ABI3BP: variants seen among roughly 807,000 people sequenced by gnomAD.
The protein encoded by ABI3BP is ABI family member 3 binding protein, also known as target of Nesh-SH3.
ABI3BP carries 216 observed loss-of-function variants against 268.6 expected under a neutral mutation model. The observed-to-expected ratio is 0.80, with a 90% CI of 0.72 to 0.90. The LOEUF (loss-of-function observed/expected upper bound fraction) is 0.90. Among genes scored for constraint, ABI3BP ranks in the 40% least tolerant of loss-of-function variants. The probability of loss-of-function intolerance (pLI) is 0.00; values close to 1 mark genes in which losing one functional copy is unlikely to be tolerated. For missense variants in ABI3BP, 2,090 were observed against 2,182.4 expected, an observed-to-expected ratio of 0.96 and a Z score of 0.84; for synonymous variants, 730 against 730.0, an observed-to-expected ratio of 1.00 and a Z score of 0.00.
intron 58 of ABI3BP, among the ~76,000 whole-genome samples, chr3:100,779,781 T>A (rs555429911): frequency 6.1e-4 from 92 of 151,992 alleles, no homozygotes; most frequent in African/African-American, 2.0e-3. Context: ...CAAAAAAAAA[T>A]TGTAATAAAT....
At position 100,951,087 on chromosome 3, in the gene ABI3BP, T is replaced by C. The variant is rs141498460; in HGVS notation, c.80-24606A>G. 4.3e-4 allele frequency among the ~76,000 whole-genome samples: 66 copies of C among 152,128 alleles called. 3 individuals are homozygous for C. Among genetic ancestry groups the C allele is most frequent in the African/African-American group, 1.5e-3 (61 of 41,400 alleles). On this transcript the variant is annotated intron_variant, in intron 1 of 67. Transcript: ENST00000471714. ...ACCAGCATTAGAATAATTTCGATGA[T>C]TTTAATGATTCTAAAAATGTCTGAG...
rs989815452 is a variant in ABI3BP, at chr3:100,749,493, A to G, written c.*1002T>C. 19 of 395,552 alleles carry G rather than the reference A, an allele frequency of 4.8e-5. No homozygotes were observed. The highest frequency in any genetic ancestry group is 3.6e-5 in the East Asian group (1 of 27,898). 24.5% of individuals were successfully genotyped at this position (395,552 alleles called of 1,614,324 possible). A position where few individuals can be genotyped will look rare whatever the true frequency, so the allele number is the denominator to read the frequency against. On this transcript the variant is annotated 3_prime_UTR_variant, in exon 68 of 68. Transcript: ENST00000471714. ...CAGCAAGGATTCCCATTCCCCGCCT[A>G]AAGGACAATACCTTTTTAATAGAAA...
In ABI3BP at chr3:100,822,919, G is replaced by A. The variant is rs1315415517; in HGVS notation, c.2804-247C>T. On this transcript the variant is annotated intron_variant, in intron 37 of 67. Transcript: ENST00000471714. ...AAATCTCATAGGGTAGCTTTACTGG[G>A]TACCAAAAAGGTTAAGTACTATTGC... 3.9e-5 allele frequency among the ~76,000 whole-genome samples: 6 copies of A among 151,980 alleles called. No individual in the cohort carries two copies. The East Asian group carries it at 1.2e-3, about 29-fold the overall frequency.
intron 9 of ABI3BP, among the ~76,000 whole-genome samples, chr3:100,867,815 T>C (rs956119518): frequency 3.9e-5 from 6 of 152,166 alleles, no homozygotes; most frequent in African/African-American, 1.4e-4. Flanking sequence ...CTCATATTAA[T>C]GTAGATCTTC....
chr3:100,828,499 T>A, intron 33 of ABI3BP, 47 bp from the exon 34 acceptor site: 1 of 1,460,802 alleles, frequency 6.8e-7, no homozygotes, highest in Non-Finnish European at 9.2e-7. Flanking sequence ...CATTAAAAAT[T>A]TATAAAAACT....
chr3:100,764,391 G>A (rs928939885), intron 63 of ABI3BP, among the ~76,000 whole-genome samples: 3 of 152,278 alleles, frequency 2.0e-5, no homozygotes, highest in Non-Finnish European at 2.9e-5. Flanking sequence ...ATGTTTATTC[G>A]TGTGTGTAGC....
intron 44 of ABI3BP, among the ~76,000 whole-genome samples, chr3:100,815,201 T>C (rs1167405208): frequency 6.6e-6 from 1 of 152,158 alleles, no homozygotes; most frequent in African/African-American, 2.4e-5. Context: ...ATTGAAAGCA[T>C]TGTATGTAGA....
chr3:100,758,766 CA>C (rs1216737951), intron 63 of ABI3BP, among the ~76,000 whole-genome samples: 1 of 151,800 alleles, frequency 6.6e-6, no homozygotes, highest in Non-Finnish European at 1.5e-5. Flanking sequence ...AGCATGAGAA[CA>C]AAAAAACATA....
intron 14 of ABI3BP, among the ~76,000 whole-genome samples, chr3:100,859,427 A>T (rs573177228): frequency 6.6e-6 from 1 of 152,186 alleles, no homozygotes; most frequent in Non-Finnish European, 1.5e-5. Flanking sequence ...AATGGGATTC[A>T]TGGTTTTGTG....
intron 1 of ABI3BP, among the ~76,000 whole-genome samples, chr3:100,972,852 C>G (rs1024114140): frequency 6.6e-6 from 1 of 152,120 alleles, no homozygotes; most frequent in African/African-American, 2.4e-5. Context: ...GGTTTTTAAT[C>G]CCAAAATTAA....
intron 1 of ABI3BP, among the ~76,000 whole-genome samples, chr3:100,955,538 C>A (rs574144476): frequency 1.3e-5 from 2 of 152,262 alleles, no homozygotes; most frequent in African/African-American, 4.8e-5. Context: ...CTATTCTCTG[C>A]CTGTATCCTC....
At chr3:100,882,444 T>A (rs2039789921) in intron 6 of ABI3BP, among the ~76,000 whole-genome samples, 1 of 146,638 alleles carries the variant, frequency 6.8e-6, no homozygotes, top group South Asian at 2.1e-4. Flanking sequence ...CATATATATA[T>A]AATATATATA....
At chr3:100,880,254 C>T (rs2099213510) in intron 6 of ABI3BP, among the ~76,000 whole-genome samples, 1 of 152,108 alleles carries the variant, frequency 6.6e-6, no homozygotes, top group Non-Finnish European at 1.5e-5. Context: ...GGCCTCAGCA[C>T]GATACTGCTG....
At chr3:100,978,090 T>C (rs571586421) in intron 1 of ABI3BP, among the ~76,000 whole-genome samples, 1 of 152,270 alleles carries the variant, frequency 6.6e-6, no homozygotes, top group South Asian at 2.1e-4. Flanking sequence ...GACCCACAAG[T>C]GTACTAGTCT....
chr3:100,927,537 A>G (rs1219380337), intron 1 of ABI3BP, among the ~76,000 whole-genome samples: 1 of 152,210 alleles, frequency 6.6e-6, no homozygotes, highest in Non-Finnish European at 1.5e-5. Context: ...CTAAGGCTGT[A>G]CAGGAAGCAT....
intron 1 of ABI3BP, among the ~76,000 whole-genome samples, chr3:100,928,973 T>C (rs2062750344): frequency 6.6e-6 from 1 of 152,098 alleles, no homozygotes; most frequent in African/African-American, 2.4e-5. Context: ...ACACAGATTT[T>C]GTCAATTTTT....
In ABI3BP at chr3:100,780,691, TGGCATTGGCTATGA is replaced by T. The variant is rs1384178880; in HGVS notation, c.4163-496_4163-483del. On this transcript the variant is annotated intron_variant, in intron 57 of 67. Transcript: ENST00000471714. ...ATTGACTTTAAAATTATTCCTGGAGTGGCATTGGCTATGAGGCTATTGAGACCACAAATGATCTT... is the reference window on the plus strand; with the variant it reads ...ATTGACTTTAAAATTATTCCTGGAGTGGCTATTGAGACCACAAATGATCTT... 1.4e-3 allele frequency among the ~76,000 whole-genome samples: 214 copies of T among 152,286 alleles called. 1 individual carries two copies. Among genetic ancestry groups the T allele is most frequent in the African/African-American group, 4.9e-3 (205 of 41,552 alleles).
intron 2 of ABI3BP, among the ~76,000 whole-genome samples, chr3:100,921,650 CT>C (rs1438631078): frequency 1.3e-5 from 2 of 152,102 alleles, no homozygotes; most frequent in African/African-American, 4.8e-5. Context: ...CCTACTGCCC[CT>C]CTAGTACAAT....
intron 6 of ABI3BP, among the ~76,000 whole-genome samples, chr3:100,881,019 C>A (rs2038957797): frequency 6.6e-6 from 1 of 152,082 alleles, no homozygotes; most frequent in South Asian, 2.1e-4. Flanking sequence ...ATATTAGATT[C>A]TGGTTTTAAT....
Sources: gnomAD v4.1 joint callset for allele counts (sites outside exome capture counted in the v4.1 genomes callset) on GRCh38, gnomAD v4.1.1 for gene constraint, MANE v1.5 for transcripts, NCBI Gene and HGNC (gene_info 2026-07-23, HGNC 2026-07-21) for gene names.